TXLNB: variants seen among roughly 807,000 people sequenced by gnomAD.
TXLNB encodes the protein beta-taxilin.
TXLNB carries 37 observed loss-of-function variants against 57.4 expected under a neutral mutation model. The ratio of observed to expected loss-of-function variants is 0.64; its 90% CI spans 0.50 to 0.85. The LOEUF (loss-of-function observed/expected upper bound fraction) is 0.85, where lower values mean the gene tolerates loss of function less well. TXLNB is among the 40% of genes least tolerant of loss of function. The pLI, the probability that TXLNB is intolerant of heterozygous loss-of-function variation, is 0.00. For synonymous variants in TXLNB, 302 were observed against 309.6 expected (o/e 0.98, Z 0.26); for missense variants, 848 against 825.6 (o/e 1.03, Z -0.33).
At chr6:139,250,607 CT>C (rs1220472418) in intron 7 of TXLNB, among the ~76,000 whole-genome samples, 1 of 152,086 alleles carries the variant, frequency 6.6e-6, no homozygotes, top group East Asian at 1.9e-4. Flanking sequence ...CTTTTGTTAA[CT>C]TTTTTCCTTA....
chr6:139,305,963 T>A, the TXLNB span, among the ~76,000 whole-genome samples: 2 of 152,176 alleles, frequency 1.3e-5, no homozygotes, highest in Non-Finnish European at 2.9e-5. Context: ...TTTATTAATA[T>A]TCGTGTAAAG....
chr6:139,284,677 C>A (rs529386608), intron 2 of TXLNB, among the ~76,000 whole-genome samples: 1 of 146,256 alleles, frequency 6.8e-6, no homozygotes, highest in African/African-American at 2.5e-5. Flanking sequence ...GAAACTAGAT[C>A]ATGCTTCACT....
rs777623285 is a variant in TXLNB, at chr6:139,242,899, G to A, written c.1682C>T (p.Pro561Leu). Residue 561 changes from proline to leucine, a missense_variant, in exon 10 of 10, where the codon CCT (proline) becomes CTT (leucine). Coordinates refer to ENST00000358430, the MANE Select transcript of TXLNB (RefSeq NM_153235.4). ...ACTGCCTCCTTCGGCTTCAGCCTGA[G>A]GAGTTAGGGGAGGCAGGGGACTCTC... ...DSESPLPPLT[P>L]QAEAEGGSDA... 3.7e-6 allele frequency: 6 copies of A among 1,614,064 alleles called. No homozygotes were observed. Among genetic ancestry groups the A allele is most frequent in the Admixed American group, 1.7e-5 (1 of 60,014 alleles).
At chr6:139,320,072 A>G in the TXLNB span, among the ~76,000 whole-genome samples, 2 of 152,152 alleles carry the variant, frequency 1.3e-5, no homozygotes, top group Non-Finnish European at 2.9e-5. Context: ...TTAAATTATA[A>G]TTTGTTAAAG....
At chr6:139,212,515 T>C in the TXLNB span, among the ~76,000 whole-genome samples, 1 of 152,184 alleles carries the variant, frequency 6.6e-6, no homozygotes, top group Non-Finnish European at 1.5e-5. Context: ...TACCAGCCAC[T>C]GCAAAAACAT....
chr6:139,189,103 G>T, the TXLNB span, among the ~76,000 whole-genome samples: 1 of 152,148 alleles, frequency 6.6e-6, no homozygotes, highest in African/African-American at 2.4e-5. Flanking sequence ...TATAACCTGT[G>T]GTTCTTTGGA....
chr6:139,288,198 T>TA (rs1427980347), intron 2 of TXLNB, among the ~76,000 whole-genome samples: 1 of 152,226 alleles, frequency 6.6e-6, no homozygotes, highest in Non-Finnish European at 1.5e-5. Context: ...TGGTTGGAGT[T>TA]AGACCATTAG....
At chr6:139,257,918 T>G (rs1488608578) in intron 6 of TXLNB, among the ~76,000 whole-genome samples, 1 of 152,300 alleles carries the variant, frequency 6.6e-6, no homozygotes, top group African/African-American at 2.4e-5. Flanking sequence ...TGAAGATTGA[T>G]TCTCATAGAA....
the TXLNB span, among the ~76,000 whole-genome samples, chr6:139,230,428 G>T: frequency 6.6e-6 from 1 of 152,192 alleles, no homozygotes; most frequent in South Asian, 2.1e-4. Context: ...TCAGGGGCTT[G>T]ATTTCAGCTG....
the TXLNB span, among the ~76,000 whole-genome samples, chr6:139,312,082 A>G: frequency 6.6e-5 from 10 of 152,194 alleles, no homozygotes; most frequent in African/African-American, 9.7e-5. Context: ...CATTCAGTCC[A>G]TAATATGTCC....
the TXLNB span, among the ~76,000 whole-genome samples, chr6:139,223,632 A>G: frequency 2.4e-4 from 36 of 151,852 alleles, no homozygotes; most frequent in Non-Finnish European, 4.9e-4. Flanking sequence ...AAAAGTGGGC[A>G]AAGGACATGA....
At chr6:139,213,019 C>G in the TXLNB span, among the ~76,000 whole-genome samples, 1 of 152,284 alleles carries the variant, frequency 6.6e-6, no homozygotes, top group Admixed American at 6.5e-5. Flanking sequence ...GACTCCCACA[C>G]AATAATAATG....
At chr6:139,194,190 C>T in the TXLNB span, among the ~76,000 whole-genome samples, 3 of 152,294 alleles carry the variant, frequency 2.0e-5, no homozygotes, top group African/African-American at 4.8e-5. Context: ...ATCCACCCGC[C>T]TCAGCCTTCC....
chr6:139,254,981 G>C (rs1776298338), intron 7 of TXLNB, among the ~76,000 whole-genome samples: 1 of 151,986 alleles, frequency 6.6e-6, no homozygotes, highest in Non-Finnish European at 1.5e-5. Context: ...ACCACGCCTG[G>C]CTAATGTTTA....
chr6:139,197,753 C>T, the TXLNB span: 26 of 152,172 alleles, frequency 1.7e-4, no homozygotes, highest in African/African-American at 6.3e-4. Flanking sequence ...TTTCTGGAGG[C>T]TGAGAAGTCT....
At chr6:139,196,364 GGTTTTTTTTTTTTTT>G in the TXLNB span, among the ~76,000 whole-genome samples, 1 of 86,770 alleles carries the variant, frequency 1.2e-5, no homozygotes, top group African/African-American at 4.6e-5. Context: ...CTCCAGATCT[GGTTTTTTTTTTTTTT>G]TTTTTTTTTT....
chr6:139,174,616 C>T, the TXLNB span: 1 of 1,541,510 alleles, frequency 6.5e-7, no homozygotes, highest in South Asian at 1.2e-5. Context: ...GAAGATGCGT[C>T]TGGCAATAAA....
chr6:139,206,601 G>A, the TXLNB span, among the ~76,000 whole-genome samples: 1 of 151,916 alleles, frequency 6.6e-6, no homozygotes, highest in African/African-American at 2.4e-5. Flanking sequence ...CCAGGAGGCA[G>A]AGGCGGAGGT....
intron 4 of TXLNB, among the ~76,000 whole-genome samples, chr6:139,267,261 A>G (rs953478468): frequency 6.6e-6 from 1 of 152,198 alleles, no homozygotes; most frequent in Non-Finnish European, 1.5e-5. Flanking sequence ...AGAAATACAT[A>G]TTATTGTTTA....
Sources: gnomAD v4.1 joint callset for allele counts (sites outside exome capture counted in the v4.1 genomes callset) on GRCh38, gnomAD v4.1.1 for gene constraint, MANE v1.5 for transcripts, NCBI Gene and HGNC (gene_info 2026-07-23, HGNC 2026-07-21) for gene names.